The following TENM3 variants were observed in gnomAD, a reference collection of about 807,000 sequenced individuals.
TENM3 encodes the protein teneurin transmembrane protein 3, also known as teneurin-3.
In TENM3, 63 loss-of-function variants were observed where a neutral mutation model predicts 255.1. The ratio of observed to expected loss-of-function variants is 0.25; its 90% CI spans 0.20 to 0.30. The LOEUF is 0.30. Among genes scored for constraint, TENM3 ranks in the 10% least tolerant of loss-of-function variants. TENM3 has a pLI of 1.00. For synonymous variants in TENM3, 1,306 were observed against 1,322.3 expected (o/e 0.99, Z 0.27); for missense variants, 2,929 against 3,461.1 (o/e 0.85, Z 3.86).
the TENM3 span, among the ~76,000 whole-genome samples, chr4:181,560,016 A>T: frequency 6.6e-6 from 1 of 152,234 alleles, no homozygotes; most frequent in Non-Finnish European, 1.5e-5. Context: ...GACATATTTT[A>T]GCTTTTATTT....
intron 3 of TENM3, among the ~76,000 whole-genome samples, chr4:182,574,792 A>AT (rs1269149207): frequency 1.3e-5 from 2 of 152,050 alleles, no homozygotes; most frequent in African/African-American, 4.8e-5. Context: ...TTTCAAAAAA[A>AT]TTTTTTTACA....
chr4:181,473,472 G>T, the TENM3 span, among the ~76,000 whole-genome samples: 21 of 151,926 alleles, frequency 1.4e-4, no homozygotes, highest in Admixed American at 5.2e-4. Flanking sequence ...CGCACCTGTG[G>T]TCCCAGCTAC....
intron 3 of TENM3, among the ~76,000 whole-genome samples, chr4:182,535,050 T>C (rs1186534759): frequency 3.6e-4 from 55 of 152,194 alleles, no homozygotes; most frequent in Non-Finnish European, 1.5e-5. Context: ...TGCACCCTCC[T>C]CCTCAAATTA....
intron 1 of TENM3, among the ~76,000 whole-genome samples, chr4:182,283,455 C>T (rs1177014722): frequency 6.6e-6 from 1 of 152,168 alleles, no homozygotes; most frequent in East Asian, 1.9e-4. Flanking sequence ...GCTGTGTGAA[C>T]ATTCATCTTT....
intron 1 of TENM3, among the ~76,000 whole-genome samples, chr4:182,292,532 G>A (rs992409032): frequency 6.6e-6 from 1 of 152,160 alleles, no homozygotes; most frequent in Non-Finnish European, 1.5e-5. Flanking sequence ...AAAGGGTTGT[G>A]TCTACATCAG....
At chr4:182,213,980 T>C (rs527364692) in intron 1 of TENM3, among the ~76,000 whole-genome samples, 1 of 152,188 alleles carries the variant, frequency 6.6e-6, no homozygotes, top group African/African-American at 2.4e-5. Context: ...TTTTTTGTGT[T>C]TTAGTAGAGA....
chr4:181,491,797 G>A, the TENM3 span, among the ~76,000 whole-genome samples: 4 of 152,168 alleles, frequency 2.6e-5, no homozygotes, highest in African/African-American at 7.2e-5. Flanking sequence ...TTAATTTGTA[G>A]TTTTCTACCT....
At chr4:181,869,993 C>T in the TENM3 span, among the ~76,000 whole-genome samples, 4 of 152,034 alleles carry the variant, frequency 2.6e-5, no homozygotes, top group Non-Finnish European at 5.9e-5. Context: ...TTCTACTTAT[C>T]CACAACCAAT....
the TENM3 span, among the ~76,000 whole-genome samples, chr4:181,726,957 A>G: frequency 6.6e-6 from 1 of 152,220 alleles, no homozygotes; most frequent in African/African-American, 2.4e-5. Context: ...TTTATTCTAA[A>G]GGATATTACA....
At chr4:182,107,277 G>T in the TENM3 span, among the ~76,000 whole-genome samples, 1 of 152,068 alleles carries the variant, frequency 6.6e-6, no homozygotes, top group Non-Finnish European at 1.5e-5. Flanking sequence ...GCTCTGGAAA[G>T]CTGCCCAGGA....
At chr4:182,268,033 C>T (rs1161525806) in intron 1 of TENM3, among the ~76,000 whole-genome samples, 2 of 152,168 alleles carry the variant, frequency 1.3e-5, no homozygotes, top group Non-Finnish European at 2.9e-5. Context: ...TCAGTATTCT[C>T]ATTCTGGGCG....
chr4:182,007,690 G>T, the TENM3 span, among the ~76,000 whole-genome samples: 1 of 152,168 alleles, frequency 6.6e-6, no homozygotes, highest in Non-Finnish European at 1.5e-5. Context: ...TTGCCAGTCT[G>T]TGTCTTTTAA....
At chr4:181,496,758 C>T in the TENM3 span, among the ~76,000 whole-genome samples, 2 of 152,140 alleles carry the variant, frequency 1.3e-5, no homozygotes, top group African/African-American at 4.8e-5. Flanking sequence ...AATGGGACCT[C>T]TAAGTGTTAC....
the TENM3 span, among the ~76,000 whole-genome samples, chr4:181,852,131 A>T: frequency 6.6e-6 from 1 of 152,214 alleles, no homozygotes; most frequent in Non-Finnish European, 1.5e-5. Flanking sequence ...CCCACAGTGG[A>T]TCCTCAGGCT....
chr4:182,608,700 C>T lies in TENM3; in HGVS notation c.749+7539C>T, dbSNP rs1008028414. Among the ~76,000 whole-genome samples the T allele has an allele frequency of 3.9e-5, 6 of 152,252 alleles. No homozygotes were observed. In the South Asian group the frequency reaches 1.2e-3, roughly 32 times the overall value. ...CTGCAGGCCCGGGTTTGGGGGTGGC[C>T]GCTCAGGTCAGGGCTAGGACCCAGC... On this transcript the variant is annotated intron_variant, in intron 4 of 27. Transcript: ENST00000511685.
the TENM3 span, among the ~76,000 whole-genome samples, chr4:182,088,160 T>C: frequency 3.3e-5 from 5 of 152,208 alleles, no homozygotes; most frequent in Non-Finnish European, 7.3e-5. Context: ...AAGCAAAACA[T>C]ACAGTGAATG....
At chr4:182,570,180 A>G (rs1277100078) in intron 3 of TENM3, among the ~76,000 whole-genome samples, 1 of 152,154 alleles carries the variant, frequency 6.6e-6, no homozygotes, top group African/African-American at 2.4e-5. Context: ...AATTCAAGAG[A>G]TATTTCTAAG....
At chr4:181,852,711 C>T in the TENM3 span, among the ~76,000 whole-genome samples, 43 of 152,314 alleles carry the variant, frequency 2.8e-4, no homozygotes, top group Admixed American at 8.5e-4. Flanking sequence ...AATATTTCAG[C>T]GCTTCGTATA....
chr4:182,356,635 G>C (rs1341968481), intron 3 of TENM3, among the ~76,000 whole-genome samples: 1 of 152,114 alleles, frequency 6.6e-6, no homozygotes, highest in Non-Finnish European at 1.5e-5. Flanking sequence ...AGAATCAGGA[G>C]TGAAGGGGTC....
Sources: gnomAD v4.1 joint callset for allele counts (sites outside exome capture counted in the v4.1 genomes callset) on GRCh38, gnomAD v4.1.1 for gene constraint, MANE v1.5 for transcripts, NCBI Gene and HGNC (gene_info 2026-07-23, HGNC 2026-07-21) for gene names.